SEMA5B: variants seen among roughly 807,000 people sequenced by gnomAD.
SEMA5B encodes the protein semaphorin-5B.
A neutral mutation model predicts 135.0 loss-of-function variants in SEMA5B; 66 were observed. That is an observed-to-expected ratio of 0.49 (90% confidence interval 0.40 to 0.60). The LOEUF (loss-of-function observed/expected upper bound fraction) is 0.60, where lower values mean the gene tolerates loss of function less well. SEMA5B is among the 20% of genes least tolerant of loss of function. The pLI is 0.00. For synonymous variants in SEMA5B, 690 were observed against 639.5 expected (o/e 1.08, Z -1.19); for missense variants, 1,501 against 1,566.3 (o/e 0.96, Z 0.70).
chr3:122,910,700 C>T (rs1366137049), intron 22 of SEMA5B, 140 bp downstream of exon 22: 14 of 653,260 alleles, frequency 2.1e-5, no homozygotes, highest in Non-Finnish European at 3.2e-5. Context: ...GTCCCAGCTA[C>T]TTGGGAGGCT....
chr3:122,959,357 G>T (rs1174629909), intron 2 of SEMA5B, among the ~76,000 whole-genome samples: 1 of 152,208 alleles, frequency 6.6e-6, no homozygotes, highest in Non-Finnish European at 1.5e-5. Flanking sequence ...GGGCTCAGGA[G>T]TCTGCCCCTT....
chr3:122,964,696 C>T (rs1417124780), intron 1 of SEMA5B, among the ~76,000 whole-genome samples: 1 of 152,180 alleles, frequency 6.6e-6, no homozygotes, highest in Non-Finnish European at 1.5e-5. Flanking sequence ...AGCTTTCTCC[C>T]TTTACCCTTT....
In SEMA5B at chr3:122,922,121, C is replaced by A; in HGVS notation, c.1482G>T (p.Glu494Asp). The change falls in exon 12 of 23, where the codon GAG (glutamate) becomes GAT (aspartate). Residue 494 changes from glutamate to aspartate, a missense_variant and splice_region_variant. Glu to Asp is a conservative substitution (Grantham distance 45). Transcript: ENST00000357599. ...ACAGCGCCTTCAGGATGGTGCCCGACTCTGGAGGAGAGGGGGAGCCAGACC... is the reference window on the plus strand; with the variant it reads ...ACAGCGCCTTCAGGATGGTGCCCGAATCTGGAGGAGAGGGGGAGCCAGACC... ...TLYHVLYIGT[E>D]SGTILKALST... The A allele has an allele frequency of 6.6e-7, 1 of 1,516,400 alleles. No homozygotes were observed. The highest frequency in any genetic ancestry group is 1.3e-5 in the South Asian group (1 of 77,138). The allele number at this position is 1,516,400 out of a possible 1,614,324, so 93.9% of individuals were successfully genotyped here. A position where few individuals can be genotyped will look rare whatever the true frequency, so the allele number is the denominator to read the frequency against.
intron 1 of SEMA5B, chr3:122,975,914 T>G (rs1342228781): frequency 1.1e-5 from 17 of 1,498,020 alleles, no homozygotes; most frequent in Middle Eastern, 3.4e-4. Context: ...CTCCCTCTCC[T>G]GCCCCCTCTC....
intron 1 of SEMA5B, among the ~76,000 whole-genome samples, chr3:122,977,563 C>G (rs1022826898): frequency 1.3e-5 from 2 of 152,204 alleles, no homozygotes; most frequent in Non-Finnish European, 2.9e-5. Context: ...GCAACAGGGA[C>G]TACAGCTCTA....
intron 3 of SEMA5B, among the ~76,000 whole-genome samples, chr3:122,945,147 TTG>T (rs1939728429): frequency 6.6e-6 from 1 of 152,102 alleles, no homozygotes; most frequent in Admixed American, 6.6e-5. Context: ...ACTGGAGGTT[TTG>T]TGAGTTGGAT....
chr3:123,014,246 A>G (rs914296318), intron 1 of SEMA5B, among the ~76,000 whole-genome samples: 5 of 152,214 alleles, frequency 3.3e-5, no homozygotes, highest in Admixed American at 6.5e-5. Context: ...GATGAACTCA[A>G]TGTGCCTCCT....
At position 122,910,233 on chromosome 3, in the gene SEMA5B, C is replaced by T; in HGVS notation, c.3366G>A (p.Val1122=). The T allele has an allele frequency of 6.2e-7, 1 of 1,614,198 alleles. No individual in the cohort carries two copies. Among genetic ancestry groups the T allele is most frequent in the Non-Finnish European group, 8.5e-7 (1 of 1,180,040 alleles). Residue 1122 remains valine (V), a synonymous_variant, in exon 23 of 23, where the codon GTG becomes GTA. Coordinates refer to ENST00000357599, the MANE Select transcript of SEMA5B (RefSeq NM_001031702.4). ...ANFYPLQQTN[V]YTTTYYPSPL... The stretch of plus-strand genomic sequence containing the variant: ...GGCTTGGGTAGTAAGTAGTCGTGTA[C>T]ACATTGGTCTGCTGCAATGGGTAGA...
At chr3:123,004,319 G>A (rs995119894) in intron 1 of SEMA5B, among the ~76,000 whole-genome samples, 2 of 152,216 alleles carry the variant, frequency 1.3e-5, no homozygotes, top group African/African-American at 4.8e-5. Context: ...CCGTCAGCAA[G>A]AGGCACAGCT....
chr3:122,919,786 T>C (rs995427872), intron 12 of SEMA5B, among the ~76,000 whole-genome samples: 2 of 152,188 alleles, frequency 1.3e-5, no homozygotes, highest in Non-Finnish European at 2.9e-5. Context: ...AGCAGGGTTT[T>C]CACTGTACAC....
At chr3:122,966,044 C>T (rs537940162) in intron 1 of SEMA5B, among the ~76,000 whole-genome samples, 1 of 152,326 alleles carries the variant, frequency 6.6e-6, no homozygotes, top group Admixed American at 6.5e-5. Context: ...CCTCCAGCAG[C>T]TAACTTGAAT....
At chr3:122,974,604 C>G (rs537759626) in intron 1 of SEMA5B, among the ~76,000 whole-genome samples, 5 of 151,886 alleles carry the variant, frequency 3.3e-5, no homozygotes, top group Non-Finnish European at 7.4e-5. Context: ...CTGAGCAGGC[C>G]ATGGGGCTTG....
intron 1 of SEMA5B, among the ~76,000 whole-genome samples, chr3:122,983,427 G>C (rs1163932474): frequency 6.6e-6 from 1 of 151,880 alleles, no homozygotes; most frequent in Non-Finnish European, 1.5e-5. Flanking sequence ...GCCTCACCTT[G>C]TGCACAATAA....
At chr3:122,933,152 A>AGCCTGGGGC (rs1329711387) in intron 5 of SEMA5B, among the ~76,000 whole-genome samples, 3 of 151,796 alleles carry the variant, frequency 2.0e-5, no homozygotes, top group Admixed American at 2.0e-4. Flanking sequence ...CTTGACTGTT[A>AGCCTGGGGC]GCCTGGGGCT....
intron 1 of SEMA5B, chr3:122,975,292 C>A (rs1941278336): frequency 6.6e-6 from 1 of 152,376 alleles, no homozygotes; most frequent in Non-Finnish European, 1.5e-5. Context: ...GTGATGGATG[C>A]TCCCCTGTCC....
chr3:122,929,059 C>T lies in SEMA5B; in HGVS notation c.475-1G>A. On this transcript the variant is annotated splice_acceptor_variant, in intron 5 of 22. Transcript: ENST00000357599. LOFTEE classifies it high-confidence loss of function. Reference sequence around the variant, plus strand: ...CCTCACTGGAGGCCCACTCTGTGGCCTGGGGGAGGAACATAGGAGCACACA... The same window carrying T: ...CCTCACTGGAGGCCCACTCTGTGGCTTGGGGGAGGAACATAGGAGCACACA... 6.2e-7 allele frequency: 1 copy of T among 1,611,498 alleles called. No individual in the cohort carries two copies. Among genetic ancestry groups the T allele is most frequent in the Non-Finnish European group, 8.5e-7 (1 of 1,179,962 alleles).
chr3:122,935,650 C>T (rs1165051818), intron 5 of SEMA5B, among the ~76,000 whole-genome samples: 2 of 141,946 alleles, frequency 1.4e-5, no homozygotes, highest in Non-Finnish European at 3.1e-5. Context: ...TGCAAGCCGA[C>T]CTGCTCTATC....
At chr3:122,966,629 A>C (rs1317245834) in intron 1 of SEMA5B, among the ~76,000 whole-genome samples, 3 of 150,180 alleles carry the variant, frequency 2.0e-5, no homozygotes, top group Non-Finnish European at 3.0e-5. Flanking sequence ...ATCTCAGCTC[A>C]CTGCAAGCTC....
chr3:122,947,734 C>G (rs904314525), intron 3 of SEMA5B, among the ~76,000 whole-genome samples: 14 of 152,174 alleles, frequency 9.2e-5, no homozygotes, highest in African/African-American at 4.8e-5. Flanking sequence ...CAGTGTCCCT[C>G]AAACTTAAGA....
Sources: allele counts gnomAD v4.1 joint callset (sites outside exome capture counted in the v4.1 genomes callset), GRCh38; gene constraint gnomAD v4.1.1; transcripts MANE v1.5; gene names NCBI Gene and HGNC (gene_info 2026-07-23, HGNC 2026-07-21).